The following ARHGEF26 variants were observed in gnomAD, a reference collection of about 807,000 sequenced individuals.
ARHGEF26 encodes Rho guanine nucleotide exchange factor 26, also known as Rho guanine nucleotide exchange factor (GEF) 26.
ARHGEF26 carries 59 observed loss-of-function variants against 89.4 expected under a neutral mutation model. The observed-to-expected ratio is 0.66, with a 90% confidence interval of 0.54 to 0.82. ARHGEF26 has a LOEUF of 0.82. Ranked by LOEUF, ARHGEF26 falls within the 40% of genes least tolerant of loss-of-function variation. The probability of loss-of-function intolerance (pLI) is 0.00; values close to 1 mark genes in which losing one functional copy is unlikely to be tolerated. For synonymous variants in ARHGEF26, 500 were observed against 428.4 expected, an observed-to-expected ratio of 1.17 and a Z score of -2.06; for missense variants, 1,234 against 1,085.6, an observed-to-expected ratio of 1.14 and a Z score of -1.92.
At chr3:154,168,887 TACC>T (rs1255314527) in intron 6 of ARHGEF26, among the ~76,000 whole-genome samples, 1 of 136,798 alleles carries the variant, frequency 7.3e-6, no homozygotes. Flanking sequence ...TGCCTACAGA[TACC>T]ACTTTATTTT....
intron 6 of ARHGEF26, among the ~76,000 whole-genome samples, chr3:154,173,190 C>T (rs962917056): frequency 6.6e-6 from 1 of 152,132 alleles, no homozygotes; most frequent in Non-Finnish European, 1.5e-5. Flanking sequence ...GCATTACCCT[C>T]CACTCCTGCC....
In ARHGEF26 at chr3:154,122,392, A is replaced by G. The variant is rs778053900; in HGVS notation, c.400A>G (p.Thr134Ala). The G allele has an allele frequency of 6.2e-7, 1 of 1,610,912 alleles. No individual in the cohort carries two copies. The highest frequency in any genetic ancestry group is 1.1e-5 in the South Asian group (1 of 90,994). Residue 134 changes from threonine to alanine, a missense_variant, in exon 2 of 15, where the codon ACC (threonine) becomes GCC (alanine). By Grantham distance (58) the Thr-to-Ala change is moderately conservative. Coordinates refer to ENST00000465093, the MANE Select transcript of ARHGEF26 (RefSeq NM_015595.4). Reference protein sequence around the residue: ...SPKSPANGAVTLPAPPPPPVL... With the variant: ...SPKSPANGAVALPAPPPPPVL... ...GAAATCCCCAGCAAATGGCGCGGTG[A>G]CCTTGCCTGCGCCGCCGCCGCCGCC... is the stretch of plus-strand genomic sequence containing the variant.
intron 8 of ARHGEF26, among the ~76,000 whole-genome samples, chr3:154,191,870 T>C (rs1713978735): frequency 6.6e-6 from 1 of 152,216 alleles, no homozygotes; most frequent in Non-Finnish European, 1.5e-5. Flanking sequence ...CTCTTCAGCA[T>C]GACAAGGCAT....
chr3:154,144,245 A>G (rs972536124), intron 4 of ARHGEF26, among the ~76,000 whole-genome samples: 1 of 152,168 alleles, frequency 6.6e-6, no homozygotes, highest in Non-Finnish European at 1.5e-5. Context: ...GGGGGTGGAC[A>G]GGCCGGCCCA....
intron 4 of ARHGEF26, among the ~76,000 whole-genome samples, chr3:154,130,362 AATT>A (rs1485617113): frequency 6.6e-6 from 1 of 151,964 alleles, no homozygotes; most frequent in Non-Finnish European, 1.5e-5. Flanking sequence ...GCTGGTCTTG[AATT>A]CCTGCCCTCT....
intron 6 of ARHGEF26, among the ~76,000 whole-genome samples, chr3:154,161,099 TTTGTGTGTGTGTGTGTGTG>T (rs1314082652): frequency 2.0e-4 from 30 of 147,272 alleles, no homozygotes; most frequent in Admixed American, 4.7e-4. Context: ...GGTAGCCAGG[TTTGTGTGTGTGTGTGTGTG>T]TGTGTGTGTG....
chr3:154,126,347 C>T (rs1718330008), intron 3 of ARHGEF26, among the ~76,000 whole-genome samples: 1 of 152,194 alleles, frequency 6.6e-6, no homozygotes, highest in Admixed American at 6.5e-5. Context: ...TGAATCTCTT[C>T]TGGTGTTCCC....
intron 7 of ARHGEF26, among the ~76,000 whole-genome samples, chr3:154,190,873 G>A (rs970294963): frequency 2.0e-5 from 3 of 152,188 alleles, no homozygotes; most frequent in Non-Finnish European, 4.4e-5. Context: ...TAGGGCTGGA[G>A]AAGTGGCTTA....
At chr3:154,229,704 C>A (rs895474934) in intron 11 of ARHGEF26, among the ~76,000 whole-genome samples, 1 of 152,086 alleles carries the variant, frequency 6.6e-6, no homozygotes, top group African/African-American at 2.4e-5. Context: ...GTTGCGACAA[C>A]CAAAAATGTC....
intron 7 of ARHGEF26, among the ~76,000 whole-genome samples, chr3:154,190,504 T>G (rs922811011): frequency 4.6e-5 from 7 of 151,806 alleles, no homozygotes; most frequent in African/African-American, 1.7e-4. Flanking sequence ...CAAGACTCCA[T>G]CTCAAAACAA....
chr3:154,151,367 A>G (rs1426150520), intron 5 of ARHGEF26, among the ~76,000 whole-genome samples: 1 of 152,232 alleles, frequency 6.6e-6, no homozygotes, highest in Non-Finnish European at 1.5e-5. Flanking sequence ...TCACTTAATC[A>G]CATTAATCAG....
At position 154,257,157 on chromosome 3, in the gene ARHGEF26, A is replaced by G. The variant is rs902988711; in HGVS notation, c.*1684A>G. The G allele has an allele frequency of 1.1e-5, 7 of 641,662 alleles. No individual in the cohort carries two copies. Among genetic ancestry groups the G allele is most frequent in the Admixed American group, 1.1e-4 (3 of 28,020 alleles). The allele number at this position is 641,662 out of a possible 1,614,324, so 39.7% of individuals were successfully genotyped here. A position where few individuals can be genotyped will look rare whatever the true frequency, so the allele number is the denominator to read the frequency against. On this transcript the variant is annotated 3_prime_UTR_variant, in exon 15 of 15. Coordinates refer to ENST00000465093, the MANE Select transcript of ARHGEF26 (RefSeq NM_015595.4). ...CAGCCTGCACCCTGTCACCTCGGCA[A>G]TGAGCCAGTGTGGGGCACTGGGGAC...
At chr3:154,203,261 G>C (rs1714773640) in intron 9 of ARHGEF26, among the ~76,000 whole-genome samples, 1 of 152,022 alleles carries the variant, frequency 6.6e-6, no homozygotes, top group Non-Finnish European at 1.5e-5. Flanking sequence ...GAAATCATAT[G>C]GTTTTTGTCT....
At chr3:154,154,662 A>C (rs1228546650) in intron 6 of ARHGEF26, among the ~76,000 whole-genome samples, 1 of 152,014 alleles carries the variant, frequency 6.6e-6, no homozygotes, top group Non-Finnish European at 1.5e-5. Context: ...TCACTTTCTT[A>C]GATAAATGAA....
At chr3:154,205,441 G>A (rs564232956) in intron 9 of ARHGEF26, among the ~76,000 whole-genome samples, 21 of 152,100 alleles carry the variant, frequency 1.4e-4, no homozygotes, top group African/African-American at 3.6e-4. Context: ...AGATCAATCA[G>A]TCTTGTTTTT....
At chr3:154,124,372 C>CTTTTTTTTTTTTTTTTTTTTTTT (rs10688646) in intron 2 of ARHGEF26, 38 bp from the exon 3 acceptor site, 52 of 1,010,668 alleles carry the variant, frequency 5.1e-5, no homozygotes, top group South Asian at 2.8e-4. Context: ...TTTGCTTTTC[C>CTTTTTTTTTTTTTTTTTTTTTTT]TTTTTTTTTT....
At chr3:154,173,576 G>A (rs747483981) in intron 6 of ARHGEF26, among the ~76,000 whole-genome samples, 34 of 152,076 alleles carry the variant, frequency 2.2e-4, no homozygotes, top group Non-Finnish European at 1.8e-4. Context: ...CAATTAATTC[G>A]TTCTTTAATG....
chr3:154,188,663 C>T (rs780357181), intron 7 of ARHGEF26, among the ~76,000 whole-genome samples: 18 of 152,112 alleles, frequency 1.2e-4, no homozygotes, highest in African/African-American at 3.4e-4. Context: ...TTTATGACCA[C>T]GGCATGGAGC....
Position 154,122,839 on chromosome 3 carries a change from G to A in ARHGEF26, c.847G>A (p.Glu283Lys), listed in dbSNP as rs1162409549. Residue 283 changes from glutamate to lysine, a missense_variant, in exon 2 of 15, where the codon GAG becomes AAG. Glu to Lys is a moderately conservative substitution (Grantham distance 56, BLOSUM62 1). Transcript: ENST00000465093. ...KRLLKVRSMV[E>K]GLGGPLGHAG... ...ACTCCTCAAGGTGCGCAGCATGGTG[G>A]AGGGCCTAGGAGGACCCCTGGGTCA... The A allele has an allele frequency of 6.2e-7, 1 of 1,612,788 alleles. No homozygotes were observed. Among genetic ancestry groups the A allele is most frequent in the Non-Finnish European group, 8.5e-7 (1 of 1,179,404 alleles).
Sources: gnomAD v4.1 joint callset for allele counts (sites outside exome capture counted in the v4.1 genomes callset) on GRCh38, gnomAD v4.1.1 for gene constraint, MANE v1.5 for transcripts, NCBI Gene and HGNC (gene_info 2026-07-23, HGNC 2026-07-21) for gene names.